The following NRXN1 variants were observed in gnomAD, a reference collection of about 807,000 sequenced individuals.
The protein encoded by NRXN1 is neurexin 1.
A neutral mutation model predicts 150.9 loss-of-function variants in NRXN1; 39 were observed. The ratio of observed to expected loss-of-function variants is 0.26; its 90% CI spans 0.20 to 0.34. NRXN1 has a LOEUF of 0.34. NRXN1 is among the 10% of genes least tolerant of loss of function. The probability of loss-of-function intolerance (pLI) is 1.00; values close to 1 mark genes in which losing one functional copy is unlikely to be tolerated. For synonymous variants in NRXN1, 924 were observed against 757.0 expected (o/e 1.22, Z -3.62); for missense variants, 1,815 against 1,949.9 (o/e 0.93, Z 1.30).
intron 15 of NRXN1, among the ~76,000 whole-genome samples, chr2:50,494,974 T>C (rs1171404072): frequency 6.8e-6 from 1 of 147,154 alleles, no homozygotes; most frequent in East Asian, 2.0e-4. Context: ...GAGACTGAAG[T>C]GAGCCGAGAT....
chr2:50,172,572 T>C (rs1409769855), intron 18 of NRXN1, among the ~76,000 whole-genome samples: 2 of 152,200 alleles, frequency 1.3e-5, no homozygotes, highest in Non-Finnish European at 2.9e-5. Context: ...CCACTAAAAT[T>C]GGCAATTCTA....
intron 5 of NRXN1, among the ~76,000 whole-genome samples, chr2:50,897,391 A>G (rs1004871621): frequency 6.6e-6 from 1 of 152,192 alleles, no homozygotes; most frequent in Non-Finnish European, 1.5e-5. Flanking sequence ...TCTAAAACTT[A>G]TCTCCAACAT....
intron 17 of NRXN1, among the ~76,000 whole-genome samples, chr2:50,437,804 C>A (rs1243667876): frequency 5.3e-5 from 8 of 152,036 alleles, no homozygotes; most frequent in African/African-American, 1.9e-4. Flanking sequence ...ACCAAGAATC[C>A]ATGGATAATG....
intron 17 of NRXN1, among the ~76,000 whole-genome samples, chr2:50,344,507 G>T (rs897677363): frequency 6.6e-6 from 1 of 152,152 alleles, no homozygotes; most frequent in African/African-American, 2.4e-5. Flanking sequence ...GAAGGAAACA[G>T]AAAGTTCTTT....
At chr2:50,651,960 T>G (rs1665809490) in intron 5 of NRXN1, among the ~76,000 whole-genome samples, 1 of 152,078 alleles carries the variant, frequency 6.6e-6, no homozygotes, top group East Asian at 1.9e-4. Context: ...AGGGTCTTAA[T>G]GAGCTGCTCT....
intron 5 of NRXN1, among the ~76,000 whole-genome samples, chr2:50,692,691 C>CT (rs1380836822): frequency 2.6e-5 from 4 of 151,850 alleles, no homozygotes; most frequent in Non-Finnish European, 2.9e-5. Context: ...TTGGGGAGGG[C>CT]TTTTTTTTCA....
At chr2:50,442,923 G>T (rs1481553081) in intron 17 of NRXN1, among the ~76,000 whole-genome samples, 7 of 152,136 alleles carry the variant, frequency 4.6e-5, no homozygotes, top group Non-Finnish European at 8.8e-5. Flanking sequence ...GATGATATCT[G>T]AAAAATATTT....
intron 21 of NRXN1, among the ~76,000 whole-genome samples, chr2:49,956,072 A>G (rs1478117989): frequency 1.3e-5 from 2 of 152,144 alleles, no homozygotes; most frequent in South Asian, 4.1e-4. Context: ...TTAAGTGTTC[A>G]CACTGTATAT....
At chr2:49,962,647 A>C (rs1488212280) in intron 21 of NRXN1, among the ~76,000 whole-genome samples, 1 of 152,132 alleles carries the variant, frequency 6.6e-6, no homozygotes, top group Non-Finnish European at 1.5e-5. Flanking sequence ...TCCTGTGGTA[A>C]CGGTAGAGGG....
At chr2:50,604,829 A>T (rs1399415059) in intron 8 of NRXN1, among the ~76,000 whole-genome samples, 1 of 152,226 alleles carries the variant, frequency 6.6e-6, no homozygotes, top group African/African-American at 2.4e-5. Context: ...ACTATGCCCC[A>T]AATTATACCA....
At chr2:50,496,448 G>A (rs1211166479) in intron 14 of NRXN1, among the ~76,000 whole-genome samples, 1 of 152,076 alleles carries the variant, frequency 6.6e-6, no homozygotes, top group Non-Finnish European at 1.5e-5. Context: ...TCTCGTTCTT[G>A]CACTTGCTTT....
At position 50,585,245 on chromosome 2, in the gene NRXN1, C is replaced by T. The variant is rs555498165; in HGVS notation, c.1321-32220G>A. On this transcript the variant is annotated intron_variant, in intron 8 of 22. Coordinates refer to ENST00000401669, the MANE Select transcript of NRXN1 (RefSeq NM_001330078.2). ...ATGTAAGACCGGGACAAAAAAACCACTACCCTTAAGTAAAATAAGCCAGAC... is the reference window on the plus strand; with the variant it reads ...ATGTAAGACCGGGACAAAAAAACCATTACCCTTAAGTAAAATAAGCCAGAC... Among the ~76,000 whole-genome samples the T allele has an allele frequency of 1.1e-4, 17 of 152,236 alleles. No individual in the cohort carries two copies. The South Asian group carries it at 3.3e-3, about 30-fold the overall frequency.
chr2:50,656,695 C>T (rs1449147778), intron 5 of NRXN1, among the ~76,000 whole-genome samples: 3 of 151,696 alleles, frequency 2.0e-5, no homozygotes, highest in African/African-American at 2.4e-5. Context: ...CCTCATGTCC[C>T]CACCACTCCA....
intron 2 of NRXN1, among the ~76,000 whole-genome samples, chr2:51,024,794 T>C (rs1558606808): frequency 6.6e-6 from 1 of 152,188 alleles, no homozygotes; most frequent in Non-Finnish European, 1.5e-5. Flanking sequence ...GGACCAGAGA[T>C]AAACTGAATT....
chr2:50,158,064 AGTGT>A (rs71401060), intron 18 of NRXN1, among the ~76,000 whole-genome samples: 25,485 of 133,704 alleles, frequency 0.19, 2,538 homozygotes, highest in East Asian at 0.33. Context: ...TAAGAAGTTG[AGTGT>A]GTGTGTGTGT....
intron 8 of NRXN1, among the ~76,000 whole-genome samples, chr2:50,565,959 T>G (rs934670277): frequency 2.6e-5 from 4 of 152,288 alleles, no homozygotes; most frequent in Non-Finnish European, 4.4e-5. Flanking sequence ...TGAAGACTCC[T>G]GCATTCTTGG....
At chr2:50,607,846 C>G (rs542270189) in intron 8 of NRXN1, among the ~76,000 whole-genome samples, 1 of 151,942 alleles carries the variant, frequency 6.6e-6, no homozygotes, top group South Asian at 2.1e-4. Flanking sequence ...ATTTCAGAAT[C>G]CAAAGCTTAT....
chr2:50,778,392 C>A (rs1161560987), intron 5 of NRXN1, among the ~76,000 whole-genome samples: 1 of 152,170 alleles, frequency 6.6e-6, no homozygotes, highest in African/African-American at 2.4e-5. Context: ...TGTTACTGTG[C>A]TGGGTGCTCC....
chr2:50,336,932 A>G (rs2077224769), intron 17 of NRXN1, among the ~76,000 whole-genome samples: 1 of 152,172 alleles, frequency 6.6e-6, no homozygotes, highest in South Asian at 2.1e-4. Flanking sequence ...GAAATTAGAC[A>G]AAGTAAATCC....
Sources: gnomAD v4.1 joint callset for allele counts (sites outside exome capture counted in the v4.1 genomes callset) on GRCh38, gnomAD v4.1.1 for gene constraint, MANE v1.5 for transcripts, NCBI Gene and HGNC (gene_info 2026-07-23, HGNC 2026-07-21) for gene names.